CBL: variants seen among roughly 807,000 people sequenced by gnomAD.
CBL encodes the protein Cbl proto-oncogene, also known as E3 ubiquitin-protein ligase CBL.
CBL carries 45 observed loss-of-function variants against 96.9 expected under a neutral mutation model. That is an observed-to-expected ratio of 0.46 (90% CI 0.37 to 0.60). CBL has a LOEUF of 0.60. CBL is among the 20% of genes least tolerant of loss of function. The pLI is 0.00. For synonymous variants in CBL, 420 were observed against 426.8 expected (o/e 0.98, Z 0.20); for missense variants, 1,024 against 1,143.5 (o/e 0.90, Z 1.51).
intron 2 of CBL, among the ~76,000 whole-genome samples, chr11:119,242,537 C>CAAAAAAAAA: frequency 1.3e-5 from 1 of 76,374 alleles, no homozygotes; most frequent in Non-Finnish European, 2.4e-5. Context: ...GACTCCATCT[C>CAAAAAAAAA]AAAAAAAAAA....
intron 2 of CBL, among the ~76,000 whole-genome samples, chr11:119,239,184 C>A (rs1374094313): frequency 6.6e-6 from 1 of 151,988 alleles, no homozygotes; most frequent in Admixed American, 6.6e-5. Context: ...TTGCCCATGC[C>A]GGTCTCAAAC....
At chr11:119,279,689 C>G (rs1453671702) in intron 9 of CBL, among the ~76,000 whole-genome samples, 1 of 152,082 alleles carries the variant, frequency 6.6e-6, no homozygotes, top group African/African-American at 2.4e-5. Context: ...TGTAGTGTGA[C>G]TTATTTCTGT....
chr11:119,218,127 A>C (rs760263513), intron 1 of CBL, among the ~76,000 whole-genome samples: 2 of 152,132 alleles, frequency 1.3e-5, no homozygotes, highest in Non-Finnish European at 2.9e-5. Context: ...ACCTCAAGTG[A>C]AAATTATGTT....
intron 1 of CBL, among the ~76,000 whole-genome samples, chr11:119,219,441 G>C (rs968436556): frequency 6.6e-6 from 1 of 151,872 alleles, no homozygotes; most frequent in African/African-American, 2.4e-5. Context: ...TCATGGCCCT[G>C]GTATATGATA....
At chr11:119,266,026 A>AAAAAAAAG (rs1555229023) in intron 2 of CBL, among the ~76,000 whole-genome samples, 1 of 150,630 alleles carries the variant, frequency 6.6e-6, no homozygotes, top group Non-Finnish European at 1.5e-5. Context: ...CTCAAAAAAA[A>AAAAAAAAG]AAAAAAAAAG....
In CBL at chr11:119,284,952, T is replaced by A. The variant is rs1309279914; in HGVS notation, c.1432-17T>A. On this transcript the variant is annotated splice_polypyrimidine_tract_variant and intron_variant, in intron 9 of 15. Transcript: ENST00000264033. ...CCCCAAACGAAAGTAATCTGTTAAA[T>A]TTTTTATGTACCCTAGGTGGAACGG... 2 of 1,613,774 alleles carry A rather than the reference T, an allele frequency of 1.2e-6. No individual in the cohort carries two copies. The highest frequency in any genetic ancestry group is 2.7e-5 in the African/African-American group (2 of 74,908).
chr11:119,213,438 A>G (rs1949334241), intron 1 of CBL, among the ~76,000 whole-genome samples: 1 of 152,154 alleles, frequency 6.6e-6, no homozygotes, highest in Non-Finnish European at 1.5e-5. Context: ...AGGATCTCTT[A>G]AGTTTAAACA....
intron 2 of CBL, among the ~76,000 whole-genome samples, chr11:119,265,316 C>T (rs1949793396): frequency 6.6e-6 from 1 of 152,168 alleles, no homozygotes; most frequent in South Asian, 2.1e-4. Flanking sequence ...TGTGTTAATT[C>T]TTCAGAACAA....
rs1318930550 is a variant in CBL, at chr11:119,306,585, C to T, written c.*6804C>T. The T allele has an allele frequency of 5.2e-6, 2 of 386,172 alleles. No individual in the cohort carries two copies. Among genetic ancestry groups the T allele is most frequent in the Admixed American group, 4.5e-5 (1 of 22,250 alleles). 23.9% of individuals were successfully genotyped at this position (386,172 alleles called of 1,614,324 possible). A position where few individuals can be genotyped will look rare whatever the true frequency, so the allele number is the denominator to read the frequency against. The stretch of plus-strand genomic sequence containing the variant: ...TCCCTCCTCTCTACCTACCTCTGAC[C>T]TTCTTGTGGGTGAGGGTGGCCATGC... On this transcript the variant is annotated 3_prime_UTR_variant, in exon 16 of 16. Coordinates refer to ENST00000264033, the MANE Select transcript of CBL (RefSeq NM_005188.4).
At chr11:119,282,544 T>C (rs1949945055) in intron 9 of CBL, among the ~76,000 whole-genome samples, 1 of 152,146 alleles carries the variant, frequency 6.6e-6, no homozygotes, top group Non-Finnish European at 1.5e-5. Context: ...ACTGAGGAGA[T>C]GAGCCTGAAT....
chr11:119,236,757 A>T (rs948085142), intron 2 of CBL, among the ~76,000 whole-genome samples: 40 of 151,980 alleles, frequency 2.6e-4, no homozygotes, highest in African/African-American at 9.2e-4. Context: ...TTTTTTGCTA[A>T]CAATTGCTAT....
Position 119,277,830 on chromosome 11 carries a change from A to C in CBL, c.1081A>C (p.Ile361Leu). Residue 361 changes from isoleucine to leucine, a missense_variant, in exon 7 of 16, where the codon ATC (isoleucine) becomes CTC (leucine). Ile to Leu is a conservative substitution (Grantham distance 5, BLOSUM62 2). Coordinates refer to ENST00000264033, the MANE Select transcript of CBL (RefSeq NM_005188.4). ...GLCEPTPQDH[I>L]KVTQEQYELY... Reference sequence around the variant, plus strand: ...ATGTGAACCAACTCCCCAAGACCATATCAAAGTGACCCAGGTGAGTTTTGT... The same window carrying C: ...ATGTGAACCAACTCCCCAAGACCATCTCAAAGTGACCCAGGTGAGTTTTGT... 6.2e-7 allele frequency: 1 copy of C among 1,612,282 alleles called. No homozygotes were observed. The highest frequency in any genetic ancestry group is 8.5e-7 in the Non-Finnish European group (1 of 1,178,302).
chr11:119,260,939 CTTTTTT>C (rs35248070), intron 2 of CBL, among the ~76,000 whole-genome samples: 4 of 89,924 alleles, frequency 4.4e-5, no homozygotes, highest in East Asian at 4.3e-4. Context: ...TAAATCTCTA[CTTTTTT>C]TTTTTTTTTT....
intron 1 of CBL, among the ~76,000 whole-genome samples, chr11:119,208,822 C>G (rs770763326): frequency 2.6e-5 from 4 of 152,170 alleles, no homozygotes; most frequent in African/African-American, 7.2e-5. Flanking sequence ...ACTCCTTCAT[C>G]TATTTAAAGT....
chr11:119,207,421 G>A lies in CBL; in HGVS notation c.195+809G>A, dbSNP rs553875997. ...CTCCCTACTACATCGCTTGAGCTGG[G>A]TTCTTTTTTTCTGGTAACGGTTCTG... On this transcript the variant is annotated intron_variant, in intron 1 of 15. Coordinates refer to ENST00000264033, the MANE Select transcript of CBL (RefSeq NM_005188.4). Among the ~76,000 whole-genome samples the A allele has an allele frequency of 1.2e-4, 19 of 152,282 alleles. No homozygotes were observed. In the South Asian group the frequency reaches 3.1e-3, roughly 25 times the overall value.
chr11:119,284,841 C>G (rs1215416337), intron 9 of CBL, 128 bp from the exon 10 acceptor site: 18 of 1,163,080 alleles, frequency 1.5e-5, no homozygotes, highest in Non-Finnish European at 2.2e-5. Flanking sequence ...TGTGCGACCT[C>G]AAACCTAGGT....
intron 2 of CBL, among the ~76,000 whole-genome samples, chr11:119,241,262 A>G (rs1949584763): frequency 6.6e-6 from 1 of 152,076 alleles, no homozygotes; most frequent in Non-Finnish European, 1.5e-5. Flanking sequence ...TTTGCCTTTG[A>G]TCTTTCTGGG....
Position 119,300,699 on chromosome 11 carries a change from T to C in CBL, c.*918T>C, listed in dbSNP as rs541035764. The C allele has an allele frequency of 9.8e-4, 391 of 397,350 alleles. No individual in the cohort carries two copies. Among genetic ancestry groups the C allele is most frequent in the Middle Eastern group, 3.8e-3 (6 of 1,586 alleles). 24.6% of individuals were successfully genotyped at this position (397,350 alleles called of 1,614,324 possible). On this transcript the variant is annotated 3_prime_UTR_variant, in exon 16 of 16. Coordinates refer to ENST00000264033, the MANE Select transcript of CBL (RefSeq NM_005188.4). Reference sequence around the variant, plus strand: ...TTGAGATAGAGGCCTTTAAATACATTCCATGCCCTCCCCAGAAAATAGTCT... The same window carrying C: ...TTGAGATAGAGGCCTTTAAATACATCCCATGCCCTCCCCAGAAAATAGTCT...
At chr11:119,271,951 C>T (rs557329895) in intron 3 of CBL, 70 bp downstream of exon 3, 119 of 1,447,250 alleles carry the variant, frequency 8.2e-5, no homozygotes, top group Non-Finnish European at 1.1e-4. Context: ...TACTTTTTTA[C>T]TAATGAAATA....
Sources: gnomAD v4.1 joint callset for allele counts (sites outside exome capture counted in the v4.1 genomes callset) on GRCh38, gnomAD v4.1.1 for gene constraint, MANE v1.5 for transcripts, NCBI Gene and HGNC (gene_info 2026-07-23, HGNC 2026-07-21) for gene names.